CYP27C1: variants seen among roughly 807,000 people sequenced by gnomAD.
CYP27C1 encodes the protein cytochrome P450 27C1.
A neutral mutation model predicts 40.6 loss-of-function variants in CYP27C1; 29 were observed. That is an observed-to-expected ratio of 0.71 (90% confidence interval 0.53 to 0.97). The LOEUF (loss-of-function observed/expected upper bound fraction) is 0.97, where lower values mean the gene tolerates loss of function less well. Ranked by LOEUF, CYP27C1 falls within the 50% of genes least tolerant of loss-of-function variation. The pLI is 0.00. For missense variants in CYP27C1, 390 were observed against 485.8 expected (o/e 0.80, Z 1.85); for synonymous variants, 198 against 186.8 (o/e 1.06, Z -0.49).
chr2:127,212,965 A>C (rs1683363540), intron 1 of CYP27C1, among the ~76,000 whole-genome samples: 1 of 152,254 alleles, frequency 6.6e-6, no homozygotes, highest in Admixed American at 6.5e-5. Context: ...CAACTTCAGC[A>C]AAGTCTCAGG....
chr2:127,217,191 A>G (rs749645571), intron 1 of CYP27C1, among the ~76,000 whole-genome samples: 1 of 152,174 alleles, frequency 6.6e-6, no homozygotes, highest in Non-Finnish European at 1.5e-5. Flanking sequence ...TGGGCCATGG[A>G]ACTATACAGT....
intron 3 of CYP27C1, 66 bp downstream of exon 3, chr2:127,203,306 T>C: frequency 6.5e-7 from 1 of 1,546,224 alleles, no homozygotes; most frequent in Non-Finnish European, 8.8e-7. Flanking sequence ...TGATCCAAGA[T>C]GACATCTGCA....
chr2:127,201,174 G>A lies in CYP27C1; in HGVS notation c.831C>T (p.Ile277=). 6.2e-7 allele frequency: 1 copy of A among 1,614,078 alleles called. No homozygotes were observed. The change falls in exon 4 of 9, where the codon ATC becomes ATT. Residue 277 remains isoleucine, a synonymous_variant. Coordinates refer to ENST00000664447, the MANE Select transcript of CYP27C1 (RefSeq NM_001367502.1). The surrounding 1 kb of genome is among the most constrained non-coding windows in gnomAD (Gnocchi z 6.0). The part of the protein sequence containing the change: ...GAIPRWLRPF[I]PKPWREFCRS... ...TGCAGAATTCCCGCCAGGGCTTTGG[G>A]ATGAAGGGGCGAAGCCATCTGGGGA...
rs1683019822 is a variant in CYP27C1, at chr2:127,201,026, C to T, written c.883+96G>A. The T allele has an allele frequency of 1.7e-5, 21 of 1,240,970 alleles. No homozygotes were observed. In the East Asian group the frequency reaches 4.9e-4, roughly 29 times the overall value. The allele number at this position is 1,240,970 out of a possible 1,614,324, so 76.9% of individuals were successfully genotyped here. On this transcript the variant is annotated intron_variant, in intron 4 of 8. Coordinates refer to ENST00000664447, the MANE Select transcript of CYP27C1 (RefSeq NM_001367502.1). This position sits in a 1 kb window ranked among gnomAD's most constrained non-coding sequence, Gnocchi z 6.0. The stretch of plus-strand genomic sequence containing the variant: ...TAACACGTGACTACATCTAGGCATC[C>T]TCTGCTATGGTCACCCATTGTCTGG...
chr2:127,215,038 AGAACGGCGT>A (rs1422426880), intron 1 of CYP27C1, among the ~76,000 whole-genome samples: 1 of 151,068 alleles, frequency 6.6e-6, no homozygotes, highest in African/African-American at 2.4e-5. Context: ...CTGAGGCAGG[AGAACGGCGT>A]GAACCCGGGA....
chr2:127,207,490 C>A (rs1683251496), intron 1 of CYP27C1, among the ~76,000 whole-genome samples: 1 of 151,962 alleles, frequency 6.6e-6, no homozygotes, highest in African/African-American at 2.4e-5. Context: ...GAGTGAAATT[C>A]TATCTCAAAA....
intron 4 of CYP27C1, among the ~76,000 whole-genome samples, chr2:127,199,931 T>C (rs1682994050): frequency 6.6e-6 from 1 of 152,188 alleles, no homozygotes; most frequent in African/African-American, 2.4e-5. Context: ...ATCTGGGATG[T>C]TACCATACAG....
rs746097771 is a variant in CYP27C1 at position 127,195,404 on chromosome 2, CT to C, written c.1144del (p.Arg382GlyfsTer23). 1 of 1,614,128 alleles carries C rather than the reference CT, an allele frequency of 6.2e-7. No individual in the cohort carries two copies. Among genetic ancestry groups the C allele is most frequent in the Admixed American group, 1.7e-5 (1 of 60,016 alleles). ...GACATCAGCTGCAGTTGGAACATGC[CT>C]TTCCCCTAAATTCTTCACAATCTCC... The part of the protein sequence containing the change: ...YREIVKNLGE[R>X]HVPTAADVPK... On this transcript the variant is annotated frameshift_variant, in exon 6 of 9. Coordinates refer to ENST00000664447, the MANE Select transcript of CYP27C1 (RefSeq NM_001367502.1). LOFTEE classifies it high-confidence loss of function. The surrounding 1 kb of genome is among the most constrained non-coding windows in gnomAD (Gnocchi z 6.2).
In CYP27C1 at chr2:127,196,072, T is replaced by G. The variant is rs1009900263; in HGVS notation, c.1048-571A>C. ...GTCTATGCAAAGCAGTGTCTTTTTTTTTTTTTTTGAGACGGAGTCTCGCTC... is the reference window on the plus strand; with the variant it reads ...GTCTATGCAAAGCAGTGTCTTTTTTGTTTTTTTTGAGACGGAGTCTCGCTC... On this transcript the variant is annotated intron_variant, in intron 5 of 8. Coordinates refer to ENST00000664447, the MANE Select transcript of CYP27C1 (RefSeq NM_001367502.1). This position sits in a 1 kb window ranked among gnomAD's most constrained non-coding sequence, Gnocchi z 4.5. 6.6e-5 allele frequency among the ~76,000 whole-genome samples: 10 copies of G among 152,242 alleles called. No individual in the cohort carries two copies. Among genetic ancestry groups the G allele is most frequent in the Admixed American group, 2.6e-4 (4 of 15,304 alleles).
chr2:127,197,176 G>T (rs777938395), intron 5 of CYP27C1, among the ~76,000 whole-genome samples: 6 of 151,956 alleles, frequency 3.9e-5, no homozygotes, highest in Admixed American at 1.3e-4. Context: ...CCTTTCAAGT[G>T]GTGTCTTAAT....
intron 1 of CYP27C1, among the ~76,000 whole-genome samples, chr2:127,207,157 GA>G (rs1233835925): frequency 6.6e-6 from 1 of 152,132 alleles, no homozygotes; most frequent in African/African-American, 2.4e-5. Flanking sequence ...TAGAGCACAG[GA>G]GTTCAAGATA....
At position 127,193,884 on chromosome 2, in the gene CYP27C1, G is replaced by C; in HGVS notation, c.1215-17C>G. 6.2e-7 allele frequency: 1 copy of C among 1,613,932 alleles called. No individual in the cohort carries two copies. The highest frequency in any genetic ancestry group is 8.5e-7 in the Non-Finnish European group (1 of 1,179,860). On this transcript the variant is annotated splice_polypyrimidine_tract_variant and intron_variant, in intron 6 of 8. Transcript: ENST00000664447. The stretch of plus-strand genomic sequence containing the variant: ...GGAAACAGCCTGGAAAAGAGCCAGC[G>C]GGGACGGGAATGGCGTGGTGACTTT...
Position 127,184,179 on chromosome 2 carries a change from TAC to T in CYP27C1, c.*3090_*3091del, listed in dbSNP as rs1220451634. 1 of 152,212 alleles carries T rather than the reference TAC, an allele frequency of 6.6e-6. No homozygotes were observed. The highest frequency in any genetic ancestry group is 1.9e-4 in the East Asian group (1 of 5,206). 9.4% of individuals were successfully genotyped at this position (152,212 alleles called of 1,614,324 possible). ...ACAGTAATTCCCAAATATCATCAAATACACACAGTCAGCATTCAAATTTCCCC... is the reference window on the plus strand; with the variant it reads ...ACAGTAATTCCCAAATATCATCAAATACACAGTCAGCATTCAAATTTCCCC... On this transcript the variant is annotated 3_prime_UTR_variant, in exon 9 of 9. Coordinates refer to ENST00000664447, the MANE Select transcript of CYP27C1 (RefSeq NM_001367502.1).
intron 2 of CYP27C1, among the ~76,000 whole-genome samples, chr2:127,204,575 AAG>A (rs1218951524): frequency 1.2e-5 from 1 of 80,660 alleles, no homozygotes; most frequent in Non-Finnish European, 2.4e-5. Context: ...GAAAGAAAGA[AAG>A]AAAGAAAGAA....
intron 1 of CYP27C1, among the ~76,000 whole-genome samples, chr2:127,216,307 T>A (rs1683429317): frequency 6.6e-6 from 1 of 152,238 alleles, no homozygotes; most frequent in Non-Finnish European, 1.5e-5. Flanking sequence ...TATGAACTGA[T>A]GAATGGATAA....
chr2:127,192,794 C>T (rs1682812461), intron 8 of CYP27C1, among the ~76,000 whole-genome samples: 1 of 152,248 alleles, frequency 6.6e-6, no homozygotes, highest in African/African-American at 2.4e-5. Context: ...GATGGGGAGG[C>T]ATTTTCAAAG....
rs1042505110 is a variant in CYP27C1, at chr2:127,201,915, G to A, written c.674-584C>T. 7.9e-5 allele frequency among the ~76,000 whole-genome samples: 12 copies of A among 152,192 alleles called. No homozygotes were observed. The highest frequency in any genetic ancestry group is 1.5e-4 in the Non-Finnish European group (10 of 68,004). ...GAAGTGGCCTGGATGAATCCGTGTC[G>A]GGCAGAGCTGTGAACTGTATTTACC... On this transcript the variant is annotated intron_variant, in intron 3 of 8. Transcript: ENST00000664447. The surrounding 1 kb of genome is among the most constrained non-coding windows in gnomAD (Gnocchi z 6.0).
At chr2:127,193,766 C>T (rs780379789) in intron 7 of CYP27C1, 23 bp downstream of exon 7, 2 of 1,614,036 alleles carry the variant, frequency 1.2e-6, no homozygotes, top group South Asian at 2.2e-5. Flanking sequence ...AAGGCCTGGC[C>T]ACCCCCATGG....
At chr2:127,197,612 G>A (rs1682933894) in intron 5 of CYP27C1, among the ~76,000 whole-genome samples, 1 of 152,108 alleles carries the variant, frequency 6.6e-6, no homozygotes, top group Admixed American at 6.6e-5. Flanking sequence ...GAAGCGTCAC[G>A]CAATCTTAAT....
Sources: gnomAD v4.1 joint callset for allele counts (sites outside exome capture counted in the v4.1 genomes callset) on GRCh38, gnomAD v4.1.1 for gene constraint, Gnocchi (gnomAD v3.1) non-coding constraint, MANE v1.5 for transcripts, NCBI Gene and HGNC (gene_info 2026-07-23, HGNC 2026-07-21) for gene names.